Variants in NLK observed in about 807,000 individuals in gnomAD.
NLK encodes the protein nemo like kinase, also known as serine/threonine-protein kinase NLK.
A neutral mutation model predicts 59.0 loss-of-function variants in NLK; 11 were observed. The ratio of observed to expected loss-of-function variants is 0.19; its 90% CI spans 0.12 to 0.31. The LOEUF is 0.31. NLK is among the 10% of genes least tolerant of loss of function. NLK has a pLI of 1.00. For synonymous variants in NLK, 235 were observed against 235.9 expected (o/e 1.00, Z 0.03); for missense variants, 410 against 661.1 (o/e 0.62, Z 4.16).
At chr17:28,138,460 T>C (rs950694199) in intron 3 of NLK, among the ~76,000 whole-genome samples, 1 of 152,322 alleles carries the variant, frequency 6.6e-6, no homozygotes, top group African/African-American at 2.4e-5. Context: ...ATGATAGGTT[T>C]TGCTTGTGCA....
chr17:28,112,432 G>C (rs1468650443), intron 1 of NLK, among the ~76,000 whole-genome samples: 2 of 151,974 alleles, frequency 1.3e-5, no homozygotes, highest in Non-Finnish European at 2.9e-5. Flanking sequence ...GCAGGGGTGG[G>C]GTAAGAAGCT....
At chr17:28,177,171 G>A (rs577101015) in intron 7 of NLK, among the ~76,000 whole-genome samples, 3 of 152,174 alleles carry the variant, frequency 2.0e-5, no homozygotes, top group African/African-American at 7.2e-5. Flanking sequence ...CGAAAGTGGT[G>A]GAGGAGGTGG....
At chr17:28,166,591 TA>T (rs1324614554) in intron 5 of NLK, among the ~76,000 whole-genome samples, 4 of 152,264 alleles carry the variant, frequency 2.6e-5, no homozygotes, top group Admixed American at 2.0e-4. Flanking sequence ...CTTGTAAAGT[TA>T]ATCAGTGAGA....
intron 7 of NLK, among the ~76,000 whole-genome samples, chr17:28,179,872 G>GTTTTGT (rs1908831782): frequency 1.3e-5 from 1 of 79,414 alleles, no homozygotes; most frequent in Middle Eastern, 9.3e-3. Context: ...AGCATTCTTG[G>GTTTTGT]TTTTTTTTTT....
chr17:28,128,272 C>CTAGT (rs1906372498), intron 2 of NLK, among the ~76,000 whole-genome samples: 2 of 152,200 alleles, frequency 1.3e-5, no homozygotes, highest in South Asian at 4.2e-4. Context: ...ATGTTAATTT[C>CTAGT]TATTAACATT....
chr17:28,101,287 A>G (rs924849382), intron 1 of NLK, among the ~76,000 whole-genome samples: 1 of 152,156 alleles, frequency 6.6e-6, no homozygotes, highest in Non-Finnish European at 1.5e-5. Flanking sequence ...TTTTTTAATC[A>G]GCTGTTGCTT....
At chr17:28,105,271 T>C (rs1341883758) in intron 1 of NLK, among the ~76,000 whole-genome samples, 1 of 152,212 alleles carries the variant, frequency 6.6e-6, no homozygotes, top group Non-Finnish European at 1.5e-5. Flanking sequence ...CTCCTAACCA[T>C]GTAATATACA....
At chr17:28,165,854 C>T (rs183805761) in intron 5 of NLK, among the ~76,000 whole-genome samples, 35 of 150,398 alleles carry the variant, frequency 2.3e-4, no homozygotes, top group Non-Finnish European at 3.8e-4. Flanking sequence ...ATGTTCTTTC[C>T]TTTTGTTGGT....
At chr17:28,134,660 C>A (rs1403866923) in intron 3 of NLK, among the ~76,000 whole-genome samples, 1 of 152,166 alleles carries the variant, frequency 6.6e-6, no homozygotes, top group Admixed American at 6.5e-5. Flanking sequence ...TTTTAATCCA[C>A]AGATCCTTTA....
chr17:28,089,861 TTCTC>T (rs984530325), intron 1 of NLK, among the ~76,000 whole-genome samples: 4 of 152,202 alleles, frequency 2.6e-5, no homozygotes, highest in African/African-American at 4.8e-5. Context: ...TGTTCAAATC[TTCTC>T]TCTACTTTTA....
intron 1 of NLK, among the ~76,000 whole-genome samples, chr17:28,090,586 G>A (rs1904457362): frequency 1.3e-5 from 2 of 151,876 alleles, no homozygotes; most frequent in Admixed American, 6.6e-5. Context: ...TAGCCACGTG[G>A]TAGCTCACAC....
intron 1 of NLK, among the ~76,000 whole-genome samples, chr17:28,084,192 ATTG>A (rs1910437713): frequency 6.6e-6 from 1 of 152,164 alleles, no homozygotes; most frequent in South Asian, 2.1e-4. Flanking sequence ...ACCTATGAGT[ATTG>A]TTTCCTCATC....
At chr17:28,055,095 CTTTTTTTTTT>C (rs1041966713) in intron 1 of NLK, among the ~76,000 whole-genome samples, 2 of 132,136 alleles carry the variant, frequency 1.5e-5, no homozygotes, top group African/African-American at 5.6e-5. Flanking sequence ...ATTTTTTTTT[CTTTTTTTTTT>C]TTTTTTGAGA....
chr17:28,077,899 TA>T (rs1910220731), intron 1 of NLK, among the ~76,000 whole-genome samples: 1 of 152,204 alleles, frequency 6.6e-6, no homozygotes, highest in Non-Finnish European at 1.5e-5. Flanking sequence ...TAATTCTTTT[TA>T]ACAAATATAT....
intron 6 of NLK, among the ~76,000 whole-genome samples, chr17:28,169,506 T>C (rs1178208530): frequency 2.0e-5 from 3 of 152,204 alleles, no homozygotes; most frequent in Non-Finnish European, 2.9e-5. Flanking sequence ...TTCATGTTAC[T>C]TGAATTGTCT....
chr17:28,148,443 A>G (rs1907347228), intron 3 of NLK, among the ~76,000 whole-genome samples: 1 of 152,222 alleles, frequency 6.6e-6, no homozygotes, highest in African/African-American at 2.4e-5. Flanking sequence ...GATTATTTTT[A>G]TAATTTGACT....
At chr17:28,075,808 A>G (rs894643614) in intron 1 of NLK, among the ~76,000 whole-genome samples, 5 of 150,882 alleles carry the variant, frequency 3.3e-5, no homozygotes, top group Non-Finnish European at 7.4e-5. Context: ...CCTTCCTCAA[A>G]CCCTTATTCC....
intron 1 of NLK, among the ~76,000 whole-genome samples, chr17:28,112,782 A>G (rs1215945910): frequency 2.6e-5 from 4 of 152,160 alleles, no homozygotes; most frequent in African/African-American, 9.7e-5. Context: ...TTGTGATTAG[A>G]TTAGGGGTGG....
At chr17:28,126,273 A>G (rs1906286463) in intron 2 of NLK, among the ~76,000 whole-genome samples, 1 of 152,226 alleles carries the variant, frequency 6.6e-6, no homozygotes, top group Non-Finnish European at 1.5e-5. Flanking sequence ...GGGACCTTAA[A>G]ACACAGATTC....
Sources: gnomAD v4.1 joint callset for allele counts (sites outside exome capture counted in the v4.1 genomes callset) on GRCh38, gnomAD v4.1.1 for gene constraint, MANE v1.5 for transcripts, NCBI Gene and HGNC (gene_info 2026-07-23, HGNC 2026-07-21) for gene names.